The following ULK4 variants were observed in gnomAD, a reference collection of about 807,000 sequenced individuals.
ULK4 encodes inactive serine/threonine-protein kinase ULK4.
Under a neutral mutation model 160.6 loss-of-function variants are expected in ULK4, and 133 were observed. The ratio of observed to expected loss-of-function variants is 0.83; its 90% CI spans 0.72 to 0.96. The LOEUF (loss-of-function observed/expected upper bound fraction) is 0.96, where lower values mean the gene tolerates loss of function less well. Ranked by LOEUF, ULK4 falls within the 40% of genes least tolerant of loss-of-function variation. ULK4 has a pLI of 0.00. For missense variants in ULK4, 1,580 were observed against 1,499.5 expected (o/e 1.05, Z -0.89); for synonymous variants, 534 against 539.8 (o/e 0.99, Z 0.15).
chr3:41,425,735 A>G (rs934699564), intron 34 of ULK4, among the ~76,000 whole-genome samples: 2 of 152,176 alleles, frequency 1.3e-5, no homozygotes, highest in African/African-American at 4.8e-5. Flanking sequence ...ATGCTGAGGG[A>G]ATTCATCACC....
chr3:41,530,818 C>T (rs763153229), intron 32 of ULK4, among the ~76,000 whole-genome samples: 30 of 152,052 alleles, frequency 2.0e-4, no homozygotes, highest in Non-Finnish European at 4.1e-4. Context: ...GGCTGGAGTG[C>T]AGTGGCATGA....
chr3:41,813,716 C>G (rs1170419831), intron 19 of ULK4, among the ~76,000 whole-genome samples: 1 of 152,168 alleles, frequency 6.6e-6, no homozygotes, highest in Non-Finnish European at 1.5e-5. Context: ...ATCCTACAGT[C>G]TAAATTTCTA....
chr3:41,554,389 C>CAT (rs2087205506), intron 32 of ULK4, among the ~76,000 whole-genome samples: 3 of 152,060 alleles, frequency 2.0e-5, no homozygotes, highest in Admixed American at 2.0e-4. Context: ...AGAATGAAAT[C>CAT]ATATCATTTG....
At chr3:41,411,761 C>A (rs2082413516) in intron 34 of ULK4, among the ~76,000 whole-genome samples, 1 of 152,038 alleles carries the variant, frequency 6.6e-6, no homozygotes, top group South Asian at 2.1e-4. Context: ...ACTCTTTCAA[C>A]CAATTGCCAA....
intron 17 of ULK4, among the ~76,000 whole-genome samples, chr3:41,849,352 T>C (rs2042149558): frequency 1.3e-5 from 2 of 152,150 alleles, no homozygotes; most frequent in African/African-American, 4.8e-5. Context: ...AACATTTACG[T>C]CATGAATCTG....
intron 35 of ULK4, among the ~76,000 whole-genome samples, chr3:41,269,156 G>A (rs1196368379): frequency 1.3e-5 from 2 of 152,074 alleles, no homozygotes; most frequent in African/African-American, 4.8e-5. Flanking sequence ...GAACATATCA[G>A]GATTCTGGCA....
At chr3:41,591,588 G>GT (rs1575459044) in intron 31 of ULK4, among the ~76,000 whole-genome samples, 1 of 152,156 alleles carries the variant, frequency 6.6e-6, no homozygotes, top group African/African-American at 2.4e-5. Context: ...TGGGCCGCAG[G>GT]TTAGACAAGC....
intron 35 of ULK4, among the ~76,000 whole-genome samples, chr3:41,310,372 C>T (rs983014672): frequency 2.0e-5 from 3 of 152,046 alleles, no homozygotes; most frequent in Non-Finnish European, 4.4e-5. Flanking sequence ...AAAGAAATGA[C>T]TACCTTTGAA....
intron 20 of ULK4, among the ~76,000 whole-genome samples, chr3:41,791,229 C>A (rs938185159): frequency 6.6e-6 from 1 of 152,152 alleles, no homozygotes. Flanking sequence ...CTCCTGACCT[C>A]GTGATCTGCC....
At chr3:41,744,707 C>G (rs987330966) in intron 22 of ULK4, among the ~76,000 whole-genome samples, 3 of 151,632 alleles carry the variant, frequency 2.0e-5, no homozygotes, top group Admixed American at 2.0e-4. Context: ...CGCAATGAAA[C>G]AACAAAATCT....
chr3:41,741,094 A>G (rs536976330), intron 22 of ULK4, among the ~76,000 whole-genome samples: 1 of 151,874 alleles, frequency 6.6e-6, no homozygotes, highest in East Asian at 1.9e-4. Flanking sequence ...TTCTTAACCA[A>G]CTAGTACCCA....
At chr3:41,526,780 G>A (rs756626128) in intron 32 of ULK4, among the ~76,000 whole-genome samples, 14 of 152,180 alleles carry the variant, frequency 9.2e-5, no homozygotes, top group Non-Finnish European at 1.3e-4. Flanking sequence ...AGTATCCTTC[G>A]AAGGCTTTGG....
At chr3:41,896,444 G>A (rs1315875365) in intron 15 of ULK4, among the ~76,000 whole-genome samples, 2 of 152,044 alleles carry the variant, frequency 1.3e-5, no homozygotes, top group African/African-American at 4.8e-5. Context: ...AGTAGAGACA[G>A]GGTTTCACCA....
chr3:41,460,811 T>G (rs1411893968), intron 33 of ULK4, among the ~76,000 whole-genome samples: 1 of 152,190 alleles, frequency 6.6e-6, no homozygotes, highest in East Asian at 1.9e-4. Context: ...ATATATATTT[T>G]ATTCTCCCAT....
At chr3:41,627,752 G>A (rs987533191) in intron 30 of ULK4, among the ~76,000 whole-genome samples, 2 of 152,188 alleles carry the variant, frequency 1.3e-5, no homozygotes, top group African/African-American at 4.8e-5. Flanking sequence ...TTCTATCACA[G>A]ATATGCATGT....
chr3:41,468,772 G>A (rs372000539), intron 32 of ULK4, among the ~76,000 whole-genome samples: 2 of 152,240 alleles, frequency 1.3e-5, no homozygotes, highest in African/African-American at 4.8e-5. Context: ...AAGAGAACCA[G>A]AGGTGGACAA....
At chr3:41,385,910 A>G (rs1049701389) in intron 35 of ULK4, among the ~76,000 whole-genome samples, 2 of 152,168 alleles carry the variant, frequency 1.3e-5, no homozygotes, top group African/African-American at 2.4e-5. Flanking sequence ...TGACTTTCAC[A>G]TTGTTTTGTC....
rs1700098609 is a variant in ULK4 at position 41,945,902 on chromosome 3, G to A, written c.139-7705C>T. Among the ~76,000 whole-genome samples, 4 of 152,036 alleles carry A rather than the reference G, an allele frequency of 2.6e-5. No homozygotes were observed. In the South Asian group the frequency reaches 8.3e-4, roughly 32 times the overall value. The stretch of plus-strand genomic sequence containing the variant: ...CTTTCACACCTCATACCCAATCCAT[G>A]ACCAAAAACGATCATCTGTACTTTA... On this transcript the variant is annotated intron_variant, in intron 2 of 36. Coordinates refer to ENST00000301831, the MANE Select transcript of ULK4 (RefSeq NM_017886.4).
In ULK4 at chr3:41,306,556, C is replaced by A. The variant is rs1020127469; in HGVS notation, c.3679-56982G>T. Among the ~76,000 whole-genome samples, 19 of 150,812 alleles carry A rather than the reference C, an allele frequency of 1.3e-4. No homozygotes were observed. In the East Asian group the frequency reaches 3.8e-3, roughly 30 times the overall value. On this transcript the variant is annotated intron_variant, in intron 35 of 36. Transcript: ENST00000301831. ...CAGCCCCCTGCCCGGCCAGCCACCC[C>A]GTCCGGGAGGTGAGGGGCACCTCTG...
Sources: allele counts gnomAD v4.1 joint callset (sites outside exome capture counted in the v4.1 genomes callset), GRCh38; gene constraint gnomAD v4.1.1; transcripts MANE v1.5; gene names NCBI Gene and HGNC (gene_info 2026-07-23, HGNC 2026-07-21).